The following CFAP46 variants were observed in gnomAD, a reference collection of about 807,000 sequenced individuals.
CFAP46 encodes cilia and flagella associated protein 46.
A neutral mutation model predicts 325.7 loss-of-function variants in CFAP46; 245 were observed. That is an observed-to-expected ratio of 0.75 (90% CI 0.68 to 0.84). The LOEUF is 0.84. Among genes scored for constraint, CFAP46 ranks in the 40% least tolerant of loss-of-function variants. The pLI, the probability that CFAP46 is intolerant of heterozygous loss-of-function variation, is 0.00. For missense variants in CFAP46, 3,346 were observed against 3,543.0 expected, an observed-to-expected ratio of 0.94 and a Z score of 1.41; for synonymous variants, 1,523 against 1,495.9, an observed-to-expected ratio of 1.02 and a Z score of -0.42.
At chr10:132,820,899 G>A (rs1847792291) in intron 50 of CFAP46, among the ~76,000 whole-genome samples, 1 of 132,098 alleles carries the variant, frequency 7.6e-6, no homozygotes, top group South Asian at 2.7e-4. Flanking sequence ...GTGTGCTGAT[G>A]TGTGCTGTGT....
chr10:132,922,035 C>T, intron 13 of CFAP46, 69 bp downstream of exon 13: 10 of 1,505,346 alleles, frequency 6.6e-6, no homozygotes, highest in Non-Finnish European at 8.9e-6. Flanking sequence ...CTGGGGAGGC[C>T]CCGGGGCAGC....
chr10:132,835,170 T>G, intron 47 of CFAP46, 134 bp downstream of exon 47: 2 of 1,210,582 alleles, frequency 1.7e-6, no homozygotes, highest in Non-Finnish European at 2.2e-6. Flanking sequence ...AGTGCCCGGG[T>G]GTTGGGATGG....
chr10:132,922,317 C>T, intron 12 of CFAP46, 93 bp from the exon 13 acceptor site: 1 of 1,486,384 alleles, frequency 6.7e-7, no homozygotes, highest in Non-Finnish European at 9.0e-7. Context: ...TGGCAGGGGC[C>T]TGTGTGGTCC....
At chr10:132,867,293 G>T (rs575421750) in intron 34 of CFAP46, 82 bp downstream of exon 34, 1 of 1,490,948 alleles carries the variant, frequency 6.7e-7, no homozygotes, top group East Asian at 2.5e-5. Flanking sequence ...CGGCCGCCTG[G>T]CTCAGCTGCA....
rs569750628 is a variant in CFAP46 at position 132,893,613 on chromosome 10, T to C, written c.3220-1196A>G. 9.8e-5 allele frequency among the ~76,000 whole-genome samples: 15 copies of C among 152,342 alleles called. 1 individual carries two copies. Among genetic ancestry groups the C allele is most frequent in the Admixed American group, 6.5e-4 (10 of 15,310 alleles). On this transcript the variant is annotated intron_variant, in intron 24 of 57. Coordinates refer to ENST00000368586, the MANE Select transcript of CFAP46 (RefSeq NM_001200049.3). ...CTATGAGCCTCATCTTTTGTGGCAA[T>C]GTGACAAGGACCCCGTCTTTAGCTG... is the stretch of plus-strand genomic sequence containing the variant.
intron 22 of CFAP46, among the ~76,000 whole-genome samples, chr10:132,902,822 T>A (rs2135494919): frequency 6.6e-6 from 1 of 152,374 alleles, no homozygotes; most frequent in East Asian, 1.9e-4. Flanking sequence ...CTCAGCTTCA[T>A]CCTACTGAGA....
intron 50 of CFAP46, among the ~76,000 whole-genome samples, chr10:132,829,090 A>G (rs1339600613): frequency 6.6e-6 from 1 of 151,650 alleles, no homozygotes; most frequent in Non-Finnish European, 1.5e-5. Context: ...CTACAAAAAA[A>G]AAAAAAAAAA....
Position 132,912,723 on chromosome 10 carries a change from T to A in CFAP46, c.2431A>T (p.Met811Leu). The A allele has an allele frequency of 6.5e-7, 1 of 1,550,270 alleles. No individual in the cohort carries two copies. Among genetic ancestry groups the A allele is most frequent in the Non-Finnish European group, 8.7e-7 (1 of 1,146,962 alleles). The change falls in exon 19 of 58, where the codon ATG becomes TTG. Residue 811 changes from methionine to leucine, a missense_variant. Met to Leu is a conservative substitution (Grantham distance 15, BLOSUM62 2). Transcript: ENST00000368586. The part of the protein sequence containing the change: ...VQAAEKSRKF[M>L]RPNAFHSPLD... ...GGGCTGTGAAACGCGTTTGGTCGCATGAATTTCCTGGACTTCTCGGCAGCC... is the reference window on the plus strand; with the variant it reads ...GGGCTGTGAAACGCGTTTGGTCGCAAGAATTTCCTGGACTTCTCGGCAGCC...
chr10:132,820,555 T>A (rs1252105548), intron 50 of CFAP46, among the ~76,000 whole-genome samples: 126 of 142,084 alleles, frequency 8.9e-4, no homozygotes, highest in South Asian at 2.5e-3. Context: ...GTGCTGTGTG[T>A]GCTGATGTGT....
chr10:132,812,670 G>T (rs1206135727), intron 55 of CFAP46, 115 bp downstream of exon 55: 1 of 706,832 alleles, frequency 1.4e-6, no homozygotes, highest in Admixed American at 2.2e-5. Context: ...GCAGGAGGGG[G>T]CTGCGGCCAC....
At chr10:132,879,076 G>A (rs1034605866) in intron 29 of CFAP46, among the ~76,000 whole-genome samples, 7 of 152,224 alleles carry the variant, frequency 4.6e-5, no homozygotes, top group African/African-American at 1.4e-4. Flanking sequence ...GCCAGGCAGA[G>A]GCAGTTTTGG....
Position 132,919,599 on chromosome 10 carries a change from G to A in CFAP46, c.1731-157C>T, listed in dbSNP as rs902167062. On this transcript the variant is annotated intron_variant, in intron 14 of 57. Transcript: ENST00000368586. This position sits in a 1 kb window ranked among gnomAD's most constrained non-coding sequence, Gnocchi z 9.7. ...GCACTCGCGCTGGGTACGGCCTGGCGGGTGCATGTCCCAGGGTCGGGCGCA... is the reference window on the plus strand; with the variant it reads ...GCACTCGCGCTGGGTACGGCCTGGCAGGTGCATGTCCCAGGGTCGGGCGCA... Among the ~76,000 whole-genome samples the A allele has an allele frequency of 1.7e-4, 26 of 152,168 alleles. No homozygotes were observed. Among genetic ancestry groups the A allele is most frequent in the Non-Finnish European group, 2.2e-4 (15 of 68,012 alleles).
In CFAP46 at chr10:132,889,991, G is replaced by A. The variant is rs1849232340; in HGVS notation, c.3304+2342C>T. 6.6e-6 allele frequency among the ~76,000 whole-genome samples: 1 copy of A among 152,236 alleles called. No homozygotes were observed. Among genetic ancestry groups the A allele is most frequent in the African/African-American group, 2.4e-5 (1 of 41,460 alleles). The stretch of plus-strand genomic sequence containing the variant: ...GCGTACATTTTCGTATCTGTGAAAA[G>A]TGCTCCTTTCCACAAAATCTCTGCT... On this transcript the variant is annotated intron_variant, in intron 25 of 57. Coordinates refer to ENST00000368586, the MANE Select transcript of CFAP46 (RefSeq NM_001200049.3). This position sits in a 1 kb window ranked among gnomAD's most constrained non-coding sequence, Gnocchi z 6.0.
Position 132,867,384 on chromosome 10 carries a change from G to C in CFAP46, c.4734C>G (p.Ala1578=), listed in dbSNP as rs1322294441. 1 of 1,549,844 alleles carries C rather than the reference G, an allele frequency of 6.5e-7. No individual in the cohort carries two copies. Among genetic ancestry groups the C allele is most frequent in the Non-Finnish European group, 8.7e-7 (1 of 1,146,836 alleles). ...VQPGEIKPLD[A]KDKILKMNGE... is the part of the protein sequence containing the mutation. ...TGGACGGTGAGGTTACCTTGTCCTT[G>C]GCGTCCAGTGGTTTGATCTCCCCAG... The change falls in exon 34 of 58, where the codon GCC becomes GCG. Residue 1578 remains alanine (A), a synonymous_variant. Coordinates refer to ENST00000368586, the MANE Select transcript of CFAP46 (RefSeq NM_001200049.3).
At chr10:132,898,744 G>A in intron 24 of CFAP46, 2 of 678,564 alleles carry the variant, frequency 2.9e-6, no homozygotes, top group South Asian at 3.2e-5. Context: ...TGTGTTGCTG[G>A]GAGAGGTCAG....
chr10:132,904,122 G>A (rs375644583), intron 22 of CFAP46, among the ~76,000 whole-genome samples: 3 of 152,216 alleles, frequency 2.0e-5, no homozygotes, highest in African/African-American at 7.2e-5. Flanking sequence ...TTTCAAAACG[G>A]AAAGAAATTA....
intron 12 of CFAP46, 82 bp from the exon 13 acceptor site, chr10:132,922,306 T>C: frequency 1.3e-6 from 2 of 1,499,868 alleles, no homozygotes; most frequent in Non-Finnish European, 1.8e-6. Flanking sequence ...CTCCTGGCCT[T>C]TGGCAGGGGC....
Position 132,886,077 on chromosome 10 carries a change from G to C in CFAP46, c.3305-118C>G. On this transcript the variant is annotated intron_variant, in intron 25 of 57. Transcript: ENST00000368586. This position sits in a 1 kb window ranked among gnomAD's most constrained non-coding sequence, Gnocchi z 5.8. ...CCCCTGAGGTGGAACCGCGGCTACA[G>C]AGGTGCCCAGGCCAGCGCATGCCCC... is the stretch of plus-strand genomic sequence containing the variant. 1 of 1,348,280 alleles carries C rather than the reference G, an allele frequency of 7.4e-7. No homozygotes were observed. The highest frequency in any genetic ancestry group is 1.0e-6 in the Non-Finnish European group (1 of 990,650). The allele number at this position is 1,348,280 out of a possible 1,614,324, so 83.5% of individuals were successfully genotyped here.
chr10:132,888,062 C>T (rs556409282), intron 25 of CFAP46, among the ~76,000 whole-genome samples: 8 of 149,518 alleles, frequency 5.4e-5, no homozygotes, highest in Non-Finnish European at 1.0e-4. Context: ...CCTCCTCTCT[C>T]TCTCCTCTTC....
Sources: gnomAD v4.1 joint callset for allele counts (sites outside exome capture counted in the v4.1 genomes callset) on GRCh38, gnomAD v4.1.1 for gene constraint, Gnocchi (gnomAD v3.1) non-coding constraint, MANE v1.5 for transcripts, NCBI Gene and HGNC (gene_info 2026-07-23, HGNC 2026-07-21) for gene names.